DOCK1: variants seen among roughly 807,000 people sequenced by gnomAD.
The protein encoded by DOCK1 is dedicator of cytokinesis protein 1.
DOCK1 carries 138 observed loss-of-function variants against 262.7 expected under a neutral mutation model. The observed-to-expected ratio is 0.53, with a 90% CI of 0.46 to 0.61. The LOEUF (loss-of-function observed/expected upper bound fraction) is 0.61, where lower values mean the gene tolerates loss of function less well. Ranked by LOEUF, DOCK1 falls within the 20% of genes least tolerant of loss-of-function variation. The pLI is 0.00. For synonymous variants in DOCK1, 866 were observed against 867.4 expected (o/e 1.00, Z 0.03); for missense variants, 1,908 against 2,370.7 (o/e 0.80, Z 4.05).
intron 43 of DOCK1, among the ~76,000 whole-genome samples, chr10:127,413,177 A>C (rs956199806): frequency 6.6e-6 from 1 of 152,188 alleles, no homozygotes; most frequent in African/African-American, 2.4e-5. Context: ...ATATTCTTAG[A>C]CTATAAAGAA....
intron 22 of DOCK1, among the ~76,000 whole-genome samples, chr10:127,053,804 C>T (rs2044929087): frequency 6.6e-6 from 1 of 152,198 alleles, no homozygotes; most frequent in Non-Finnish European, 1.5e-5. Context: ...GCCCACGCCT[C>T]TTCACTGTAT....
chr10:126,998,279 C>G lies in DOCK1; in HGVS notation c.767+30C>G, dbSNP rs761130031. ...GTGACATTTCTTGGCTGCCGTCTTT[C>G]CTCTTTGGTTAGTGTTAGGAACTTG... On this transcript the variant is annotated intron_variant, in intron 8 of 51. Transcript: ENST00000623213. The G allele has an allele frequency of 3.1e-6, 5 of 1,612,880 alleles. No individual in the cohort carries two copies. The South Asian group carries it at 5.5e-5, about 18-fold the overall frequency.
At chr10:127,390,194 A>G (rs1427478562) in intron 38 of DOCK1, among the ~76,000 whole-genome samples, 2 of 152,128 alleles carry the variant, frequency 1.3e-5, no homozygotes, top group Non-Finnish European at 2.9e-5. Context: ...TACATTACTC[A>G]GTCTCAGATA....
chr10:127,242,459 C>G (rs2059296863), intron 27 of DOCK1, among the ~76,000 whole-genome samples: 1 of 152,164 alleles, frequency 6.6e-6, no homozygotes, highest in Non-Finnish European at 1.5e-5. Flanking sequence ...GGCCTTCTAT[C>G]TTATCAGCTC....
chr10:127,054,817 C>G (rs1361990006), intron 22 of DOCK1, among the ~76,000 whole-genome samples: 3 of 152,226 alleles, frequency 2.0e-5, no homozygotes, highest in Non-Finnish European at 4.4e-5. Flanking sequence ...TGATGATCTG[C>G]ATATTCTCAC....
At chr10:127,173,721 C>G (rs1345171617) in intron 27 of DOCK1, among the ~76,000 whole-genome samples, 1 of 152,166 alleles carries the variant, frequency 6.6e-6, no homozygotes, top group Non-Finnish European at 1.5e-5. Context: ...GACTACTGAT[C>G]AGTAAATCAC....
chr10:126,992,737 G>GACAC (rs34596370), intron 6 of DOCK1, among the ~76,000 whole-genome samples: 29,209 of 133,190 alleles, frequency 0.22, 3,423 homozygotes, highest in South Asian at 0.34. Context: ...CCCCAACACA[G>GACAC]ACACACACAC....
chr10:127,000,405 G>C, intron 10 of DOCK1, 98 bp downstream of exon 10: 1 of 1,458,820 alleles, frequency 6.9e-7, no homozygotes, highest in Non-Finnish European at 9.2e-7. Flanking sequence ...GCACAGCTGT[G>C]ATTTATAAGC....
chr10:127,278,236 C>A (rs776160058), intron 29 of DOCK1, among the ~76,000 whole-genome samples: 9 of 152,046 alleles, frequency 5.9e-5, no homozygotes, highest in Non-Finnish European at 1.0e-4. Context: ...ACTGTAGTTA[C>A]CTTTTAAAAG....
At chr10:127,245,957 T>C (rs979531423) in intron 27 of DOCK1, among the ~76,000 whole-genome samples, 11 of 152,222 alleles carry the variant, frequency 7.2e-5, no homozygotes, top group African/African-American at 1.9e-4. Context: ...TAGGCTGATA[T>C]AGGCCTCTTC....
At chr10:127,288,717 T>G (rs2061244129) in intron 29 of DOCK1, among the ~76,000 whole-genome samples, 1 of 150,880 alleles carries the variant, frequency 6.6e-6, no homozygotes, top group South Asian at 2.1e-4. Flanking sequence ...ATATAATAAT[T>G]TGTAATATAC....
intron 33 of DOCK1, among the ~76,000 whole-genome samples, chr10:127,368,135 A>G (rs982015525): frequency 3.3e-5 from 5 of 152,190 alleles, no homozygotes; most frequent in African/African-American, 4.8e-5. Context: ...AAGTTCCATT[A>G]GCATCAGAGA....
chr10:127,411,072 T>C (rs2067818667), intron 43 of DOCK1, 148 bp downstream of exon 43: 1 of 782,150 alleles, frequency 1.3e-6, no homozygotes, highest in Admixed American at 2.9e-5. Flanking sequence ...CTTAATCTAT[T>C]ACCCCCTCCA....
intron 27 of DOCK1, among the ~76,000 whole-genome samples, chr10:127,190,473 A>G (rs1269089182): frequency 4.6e-5 from 7 of 152,156 alleles, no homozygotes; most frequent in Admixed American, 4.6e-4. Context: ...ATATTTATTA[A>G]GCACCTGTTA....
At chr10:127,008,661 C>T (rs2135267052) in intron 10 of DOCK1, 71 bp from the exon 11 acceptor site, 2 of 1,281,116 alleles carry the variant, frequency 1.6e-6, no homozygotes, top group South Asian at 2.6e-5. Context: ...TTCTGATGTT[C>T]CTTTGTTTGT....
intron 50 of DOCK1, among the ~76,000 whole-genome samples, chr10:127,444,904 G>A (rs2070436112): frequency 2.0e-5 from 3 of 151,360 alleles, no homozygotes; most frequent in Middle Eastern, 3.4e-3. Flanking sequence ...TTGGCTTGTG[G>A]CCACATCACT....
chr10:126,948,534 A>T (rs984189847), intron 1 of DOCK1, among the ~76,000 whole-genome samples: 11 of 151,834 alleles, frequency 7.2e-5, no homozygotes, highest in African/African-American at 2.4e-4. Flanking sequence ...GGGCATCTGG[A>T]TGAACCTCTT....
In DOCK1 at chr10:127,012,303, G is replaced by A; in HGVS notation, c.1130G>A (p.Gly377Glu). Residue 377 changes from glycine to glutamate, a missense_variant, in exon 12 of 52, where the codon GGG (glycine) becomes GAG (glutamate). By Grantham distance (98) the Gly-to-Glu change is moderately conservative (BLOSUM62 -2). This residue lies in a region of DOCK1 where 57 missense variants were observed against 39.7 expected (regional missense o/e 1.44). Transcript: ENST00000623213. This position sits in a 1 kb window ranked among gnomAD's most constrained non-coding sequence, Gnocchi z 4.0. The part of the protein sequence containing the change: ...MSSRFSPRVA[G>E]ENDFLQTVIN... ...TCCCGTTTTTCACCCAGGGTGGCAG[G>A]GGAGAATGACTTCCTTCAGACTGTT... 6.2e-7 allele frequency: 1 copy of A among 1,614,018 alleles called. No individual in the cohort carries two copies. Among genetic ancestry groups the A allele is most frequent in the Non-Finnish European group, 8.5e-7 (1 of 1,179,904 alleles).
intron 3 of DOCK1, among the ~76,000 whole-genome samples, chr10:126,980,651 T>C (rs1157850702): frequency 1.3e-5 from 2 of 150,548 alleles, no homozygotes; most frequent in Admixed American, 6.6e-5. Flanking sequence ...GCCCCCTGCC[T>C]GCCCCCTGCC....
Sources: gnomAD v4.1 joint callset for allele counts (sites outside exome capture counted in the v4.1 genomes callset) on GRCh38, gnomAD v4.1.1 for gene constraint, gnomAD v4.1.1 regional missense constraint, Gnocchi (gnomAD v3.1) non-coding constraint, MANE v1.5 for transcripts, NCBI Gene and HGNC (gene_info 2026-07-23, HGNC 2026-07-21) for gene names.